The following LYRM4 variants were observed in gnomAD, a reference collection of about 807,000 sequenced individuals.
LYRM4 encodes LYR motif-containing protein 4.
LYRM4 carries 9 observed loss-of-function variants against 11.7 expected under a neutral mutation model. That is an observed-to-expected ratio of 0.77 (90% CI 0.46 to 1.34). The LOEUF (loss-of-function observed/expected upper bound fraction) is 1.34. Among genes scored for constraint, LYRM4 ranks in the 40% most tolerant of loss-of-function variants. The probability of loss-of-function intolerance (pLI) is 0.00; values close to 1 mark genes in which losing one functional copy is unlikely to be tolerated. For missense variants in LYRM4, 133 were observed against 112.5 expected, an observed-to-expected ratio of 1.18 and a Z score of -0.82; for synonymous variants, 42 against 40.4, an observed-to-expected ratio of 1.04 and a Z score of -0.15.
intron 1 of LYRM4, among the ~76,000 whole-genome samples, chr6:5,224,630 T>C (rs908475311): frequency 2.6e-5 from 4 of 152,200 alleles, no homozygotes; most frequent in African/African-American, 9.7e-5. Flanking sequence ...TAATAGAGAA[T>C]TGGCTACATA....
the LYRM4 span, among the ~76,000 whole-genome samples, chr6:5,070,603 C>T: frequency 6.6e-5 from 10 of 151,986 alleles, no homozygotes; most frequent in Admixed American, 5.2e-4. Flanking sequence ...AGGCTGGGTG[C>T]GGTGGTTTAC....
intron 2 of LYRM4, among the ~76,000 whole-genome samples, chr6:5,111,138 A>G (rs1271601103): frequency 6.6e-6 from 1 of 152,192 alleles, no homozygotes; most frequent in Non-Finnish European, 1.5e-5. Flanking sequence ...TTGTTTTCAT[A>G]TATTAACCTC....
At chr6:5,170,739 C>T (rs1759380908) in intron 2 of LYRM4, among the ~76,000 whole-genome samples, 1 of 152,182 alleles carries the variant, frequency 6.6e-6, no homozygotes, top group Non-Finnish European at 1.5e-5. Flanking sequence ...CTTTTCTCCC[C>T]AATTGGGGAT....
At chr6:5,149,996 A>C (rs1757997929) in intron 2 of LYRM4, among the ~76,000 whole-genome samples, 1 of 152,238 alleles carries the variant, frequency 6.6e-6, no homozygotes, top group Admixed American at 6.5e-5. Context: ...CAAATGTTAA[A>C]TCTTTATGCA....
intron 2 of LYRM4, among the ~76,000 whole-genome samples, chr6:5,112,892 T>C (rs75252127): frequency 0.027 from 4,151 of 151,716 alleles, 55 homozygotes; most frequent in Middle Eastern, 0.082. Flanking sequence ...ATGGGCTGAG[T>C]GTGGATAGAG....
intron 2 of LYRM4, among the ~76,000 whole-genome samples, chr6:5,161,262 A>G (rs1440391038): frequency 6.6e-6 from 1 of 152,228 alleles, no homozygotes; most frequent in Non-Finnish European, 1.5e-5. Context: ...AATTTTATTT[A>G]CTGTTTGCTC....
chr6:5,099,560 G>C (rs1762439647), downstream of LYRM4, among the ~76,000 whole-genome samples: 1 of 152,062 alleles, frequency 6.6e-6, no homozygotes, highest in Non-Finnish European at 1.5e-5. The surrounding 1 kb of genome is among the most constrained non-coding windows in gnomAD (Gnocchi z 4.3). Flanking sequence ...GTTCCTTGTA[G>C]CCTATGTCAA....
intron 2 of LYRM4, among the ~76,000 whole-genome samples, chr6:5,169,366 G>A (rs937177638): frequency 2.0e-5 from 3 of 152,174 alleles, no homozygotes; most frequent in East Asian, 3.8e-4. Flanking sequence ...AACAAAATGC[G>A]TGGACAAAAG....
At chr6:5,137,946 C>A (rs753757382) in intron 2 of LYRM4, among the ~76,000 whole-genome samples, 2 of 152,184 alleles carry the variant, frequency 1.3e-5, no homozygotes, top group Admixed American at 6.5e-5. Context: ...AGTCTTCTCA[C>A]CCCTTTCCAC....
chr6:5,260,593 C>A (rs1393355450), intron 1 of LYRM4, 55 bp downstream of exon 1: 2 of 1,199,134 alleles, frequency 1.7e-6, no homozygotes, highest in African/African-American at 3.2e-5. Flanking sequence ...AGCCCGCACC[C>A]CCGGTCCCCG....
At chr6:5,091,018 G>A in the LYRM4 span, among the ~76,000 whole-genome samples, 3 of 152,154 alleles carry the variant, frequency 2.0e-5, no homozygotes, top group Non-Finnish European at 2.9e-5. Context: ...TCATGGAACT[G>A]AATCAAACTT....
At chr6:5,113,504 G>C (rs975882459) in intron 2 of LYRM4, 1 of 315,778 alleles carries the variant, frequency 3.2e-6, no homozygotes, top group Non-Finnish European at 6.4e-6. Context: ...AGAGGAATAC[G>C]TGGGTGCTGC....
chr6:5,148,661 AC>A (rs1757914230), intron 2 of LYRM4, among the ~76,000 whole-genome samples: 2 of 59,502 alleles, frequency 3.4e-5, no homozygotes, highest in Admixed American at 3.2e-4. Context: ...ACACACACAC[AC>A]CTCTCTCTCT....
In LYRM4 at chr6:5,215,764, C is replaced by G. The variant is rs1262743398; in HGVS notation, c.207+854G>C. The stretch of plus-strand genomic sequence containing the variant: ...GCCCTTTCAAAACAGCACAGCATAA[C>G]TTACAAAAATGGTAAAGAGTTTCCC... On this transcript the variant is annotated intron_variant, in intron 2 of 2. Coordinates refer to ENST00000330636, the MANE Select transcript of LYRM4 (RefSeq NM_020408.6). Among the ~76,000 whole-genome samples, 4 of 152,168 alleles carry G rather than the reference C, an allele frequency of 2.6e-5. No homozygotes were observed. In the East Asian group the frequency reaches 7.7e-4, roughly 29 times the overall value.
At chr6:5,042,002 T>C in the LYRM4 span, among the ~76,000 whole-genome samples, 5 of 152,230 alleles carry the variant, frequency 3.3e-5, no homozygotes, top group Non-Finnish European at 7.3e-5. Flanking sequence ...AGTAGTTGTA[T>C]TATATTTCAA....
At chr6:5,040,344 GATAGATAGATACATAC>G in the LYRM4 span, among the ~76,000 whole-genome samples, 1,155 of 144,566 alleles carry the variant, frequency 8.0e-3, 23 homozygotes, top group African/African-American at 0.027. Context: ...TAGATAGATA[GATAGATAGATACATAC>G]ATACATACAT....
chr6:5,049,260 CCACCACCCAAA>C, the LYRM4 span, among the ~76,000 whole-genome samples: 1 of 152,124 alleles, frequency 6.6e-6, no homozygotes, highest in Non-Finnish European at 1.5e-5. Flanking sequence ...GAGCCCCCTA[CCACCACCCAAA>C]TTGAGAGCTG....
At chr6:5,173,048 C>T (rs76557080) in intron 2 of LYRM4, among the ~76,000 whole-genome samples, 2,005 of 152,326 alleles carry the variant, frequency 0.013, 37 homozygotes, top group African/African-American at 0.044. Context: ...CCGGAAGTAT[C>T]ATTGCTTTAA....
chr6:5,035,135 T>C, the LYRM4 span, among the ~76,000 whole-genome samples: 1,129 of 152,212 alleles, frequency 7.4e-3, 17 homozygotes, highest in African/African-American at 0.024. Context: ...CAACCCATGC[T>C]TTCTCCAGGA....
Sources: allele counts gnomAD v4.1 joint callset (sites outside exome capture counted in the v4.1 genomes callset), GRCh38; gene constraint gnomAD v4.1.1; non-coding constraint Gnocchi (gnomAD v3.1); transcripts MANE v1.5; gene names NCBI Gene and HGNC (gene_info 2026-07-23, HGNC 2026-07-21).